The following TENM2 variants were observed in gnomAD, a reference collection of about 807,000 sequenced individuals.
TENM2 encodes the protein teneurin-2.
A neutral mutation model predicts 245.2 loss-of-function variants in TENM2; 52 were observed. The observed-to-expected ratio is 0.21, with a 90% confidence interval of 0.17 to 0.27. The LOEUF (loss-of-function observed/expected upper bound fraction) is 0.27, where lower values mean the gene tolerates loss of function less well. Among genes scored for constraint, TENM2 ranks in the 10% least tolerant of loss-of-function variants. The pLI, the probability that TENM2 is intolerant of heterozygous loss-of-function variation, is 1.00. For missense variants in TENM2, 3,046 were observed against 3,666.8 expected, an observed-to-expected ratio of 0.83 and a Z score of 4.37; for synonymous variants, 1,363 against 1,438.9, an observed-to-expected ratio of 0.95 and a Z score of 1.19.
intron 13 of TENM2, among the ~76,000 whole-genome samples, chr5:168,169,120 A>G (rs1456931498): frequency 6.6e-6 from 1 of 152,126 alleles, no homozygotes; most frequent in Non-Finnish European, 1.5e-5. Context: ...TAGCAAAGGG[A>G]CTGTCACGTG....
intron 2 of TENM2, among the ~76,000 whole-genome samples, chr5:167,611,950 A>G (rs1343845245): frequency 6.6e-6 from 1 of 152,088 alleles, no homozygotes; most frequent in Non-Finnish European, 1.5e-5. Context: ...AAATGATAAC[A>G]AGTCACATTT....
intron 4 of TENM2, among the ~76,000 whole-genome samples, chr5:167,984,626 G>A (rs1257626315): frequency 6.6e-6 from 1 of 152,140 alleles, no homozygotes; most frequent in East Asian, 1.9e-4. Context: ...CTGCACTCCA[G>A]CCTGGACAAC....
chr5:167,921,378 C>T (rs1358460626), intron 3 of TENM2, among the ~76,000 whole-genome samples: 1 of 152,146 alleles, frequency 6.6e-6, no homozygotes, highest in African/African-American at 2.4e-5. Flanking sequence ...TGGCCTCATT[C>T]GCAGGAGTTG....
chr5:168,198,280 C>T (rs1179176145), intron 15 of TENM2, among the ~76,000 whole-genome samples: 2 of 149,864 alleles, frequency 1.3e-5, no homozygotes, highest in Non-Finnish European at 2.9e-5. Context: ...ACTGCAACCT[C>T]CACCTCCCAG....
intron 2 of TENM2, among the ~76,000 whole-genome samples, chr5:167,790,326 C>G (rs1442015865): frequency 6.6e-6 from 1 of 152,096 alleles, no homozygotes; most frequent in Non-Finnish European, 1.5e-5. Flanking sequence ...GCTGTTAATA[C>G]AGACCAGAAA....
the TENM2 span, among the ~76,000 whole-genome samples, chr5:167,175,901 G>C: frequency 6.6e-6 from 1 of 152,078 alleles, no homozygotes; most frequent in Non-Finnish European, 1.5e-5. Flanking sequence ...GTAGAGATGG[G>C]GTTTCACCGT....
intron 2 of TENM2, among the ~76,000 whole-genome samples, chr5:167,703,283 G>T (rs749545171): frequency 7.2e-5 from 11 of 152,086 alleles, no homozygotes; most frequent in Non-Finnish European, 1.6e-4. Context: ...TGTAATCCGA[G>T]AACTTTGGGA....
At chr5:167,811,526 T>A (rs1339121605) in intron 2 of TENM2, among the ~76,000 whole-genome samples, 2 of 152,110 alleles carry the variant, frequency 1.3e-5, no homozygotes, top group Admixed American at 6.6e-5. Flanking sequence ...CAGAACGATC[T>A]GCCACTTAAA....
At chr5:167,060,849 A>G in the TENM2 span, among the ~76,000 whole-genome samples, 1 of 152,016 alleles carries the variant, frequency 6.6e-6, no homozygotes, top group African/African-American at 2.4e-5. Context: ...TGGACTCACC[A>G]CATTTTTAGT....
At chr5:168,199,524 T>C (rs1437665983) in intron 16 of TENM2, among the ~76,000 whole-genome samples, 1 of 152,226 alleles carries the variant, frequency 6.6e-6, no homozygotes, top group East Asian at 1.9e-4. Context: ...TAGGTTCGTA[T>C]AATTACAGCC....
chr5:167,528,994 T>A (rs1386892750), intron 2 of TENM2, among the ~76,000 whole-genome samples: 1 of 152,186 alleles, frequency 6.6e-6, no homozygotes, highest in Non-Finnish European at 1.5e-5. Flanking sequence ...GTAGAAAGAT[T>A]AAGCAAAATA....
intron 2 of TENM2, among the ~76,000 whole-genome samples, chr5:167,859,635 GC>G (rs1214153765): frequency 6.4e-5 from 7 of 109,010 alleles, no homozygotes; most frequent in Non-Finnish European, 1.3e-4. Flanking sequence ...CCGGCCAGCC[GC>G]CCCGTCTGGG....
chr5:168,245,572 T>TATA (rs1256365949), intron 26 of TENM2, among the ~76,000 whole-genome samples: 7 of 120,094 alleles, frequency 5.8e-5, no homozygotes, highest in African/African-American at 1.7e-4. Context: ...GGAGTGGCGG[T>TATA]AAAAAAAAAA....
chr5:167,269,852 C>T, the TENM2 span, among the ~76,000 whole-genome samples: 11 of 152,262 alleles, frequency 7.2e-5, no homozygotes, highest in African/African-American at 1.7e-4. Context: ...TTAGAACCAT[C>T]CCAGTTCTTC....
intron 2 of TENM2, among the ~76,000 whole-genome samples, chr5:167,432,740 A>G (rs1277730261): frequency 6.6e-6 from 1 of 152,058 alleles, no homozygotes; most frequent in Non-Finnish European, 1.5e-5. Flanking sequence ...TTTAAATGCT[A>G]CCTTTCTCCC....
the TENM2 span, among the ~76,000 whole-genome samples, chr5:167,098,657 C>T: frequency 2.0e-5 from 3 of 151,946 alleles, no homozygotes; most frequent in African/African-American, 2.4e-5. Flanking sequence ...GAAAACATAC[C>T]GAGAAAAAGG....
the TENM2 span, among the ~76,000 whole-genome samples, chr5:167,137,348 T>C: frequency 6.6e-6 from 1 of 152,180 alleles, no homozygotes; most frequent in Admixed American, 6.5e-5. Context: ...TTTTTTAAAC[T>C]TATGATACAT....
At chr5:168,161,459 T>C (rs142667668) in intron 12 of TENM2, among the ~76,000 whole-genome samples, 1 of 152,296 alleles carries the variant, frequency 6.6e-6, no homozygotes, top group African/African-American at 2.4e-5. Context: ...AGTCATCGCA[T>C]TGTACACTTA....
At chr5:167,359,025 A>G (rs1238508697) in intron 1 of TENM2, among the ~76,000 whole-genome samples, 1 of 152,130 alleles carries the variant, frequency 6.6e-6, no homozygotes, top group Non-Finnish European at 1.5e-5. Context: ...ACGGGCTGTA[A>G]TCGTCTTTCC....
Sources: allele counts gnomAD v4.1 joint callset (sites outside exome capture counted in the v4.1 genomes callset), GRCh38; gene constraint gnomAD v4.1.1; transcripts MANE v1.5; gene names NCBI Gene and HGNC (gene_info 2026-07-23, HGNC 2026-07-21).